SIPA1L3: variants seen among roughly 807,000 people sequenced by gnomAD.
SIPA1L3 encodes signal induced proliferation associated 1 like 3, also known as signal-induced proliferation-associated 1-like protein 3.
A neutral mutation model predicts 150.1 loss-of-function variants in SIPA1L3; 59 were observed. The observed-to-expected ratio is 0.39, with a 90% CI of 0.32 to 0.49. SIPA1L3 has a LOEUF of 0.49. Ranked by LOEUF, SIPA1L3 falls within the 20% of genes least tolerant of loss-of-function variation. The probability of loss-of-function intolerance (pLI) is 0.86; values close to 1 mark genes in which losing one functional copy is unlikely to be tolerated. For synonymous variants in SIPA1L3, 1,070 were observed against 1,077.6 expected, an observed-to-expected ratio of 0.99 and a Z score of 0.14; for missense variants, 2,211 against 2,489.5, an observed-to-expected ratio of 0.89 and a Z score of 2.38.
At chr19:38,198,138 C>T (rs765733383) in intron 18 of SIPA1L3, among the ~76,000 whole-genome samples, 7 of 152,222 alleles carry the variant, frequency 4.6e-5, no homozygotes, top group Non-Finnish European at 1.5e-5. Context: ...ATGTTCCTCC[C>T]CCAGGTAATC....
At chr19:38,154,969 A>G (rs1971911642) in intron 13 of SIPA1L3, among the ~76,000 whole-genome samples, 1 of 151,572 alleles carries the variant, frequency 6.6e-6, no homozygotes, top group Non-Finnish European at 1.5e-5. Flanking sequence ...ACATGTTGCC[A>G]AGGCTGGTCT....
chr19:38,192,174 T>C lies in SIPA1L3; in HGVS notation c.4460T>C (p.Phe1487Ser), dbSNP rs765219645. ...KQVDTNTKNV[F>S]GQPRLRASLR... ...GTGGACACGAACACCAAAAATGTCT[T>C]TGGGCAACCGAGGTTGAGGGCATCC... Residue 1487 changes from phenylalanine to serine, a missense_variant, in exon 17 of 22, where the codon TTT becomes TCT. Phe to Ser is a radical substitution (Grantham distance 155). Transcript: ENST00000222345. 3.7e-6 allele frequency: 6 copies of C among 1,610,548 alleles called. No individual in the cohort carries two copies. The highest frequency in any genetic ancestry group is 3.4e-6 in the Non-Finnish European group (4 of 1,178,764).
intron 2 of SIPA1L3, among the ~76,000 whole-genome samples, chr19:38,043,087 C>A (rs1223814658): frequency 1.3e-5 from 2 of 152,212 alleles, no homozygotes; most frequent in Non-Finnish European, 2.9e-5. Flanking sequence ...CACCTGTAAT[C>A]CCAGCAGTTT....
chr19:38,061,353 C>T (rs564754769), intron 2 of SIPA1L3, among the ~76,000 whole-genome samples: 4 of 152,114 alleles, frequency 2.6e-5, no homozygotes, highest in Non-Finnish European at 4.4e-5. Flanking sequence ...TGTGAGCCAC[C>T]GTGCCCAGCC....
At chr19:37,927,837 G>T (rs1343835588) in intron 1 of SIPA1L3, among the ~76,000 whole-genome samples, 1 of 152,004 alleles carries the variant, frequency 6.6e-6, no homozygotes, top group African/African-American at 2.4e-5. Flanking sequence ...TAGGATAATG[G>T]CCTCCAGCTA....
intron 2 of SIPA1L3, among the ~76,000 whole-genome samples, chr19:38,057,323 TACAC>T (rs764029498): frequency 6.0e-5 from 9 of 149,724 alleles, no homozygotes; most frequent in African/African-American, 1.5e-4. Context: ...TATACATATA[TACAC>T]ACACACACAC....
intron 2 of SIPA1L3, among the ~76,000 whole-genome samples, chr19:38,074,156 C>T (rs1043714599): frequency 1.3e-5 from 2 of 152,158 alleles, no homozygotes; most frequent in Admixed American, 6.5e-5. Context: ...AGTGTGCACC[C>T]TCTGAGTCCC....
intron 9 of SIPA1L3, among the ~76,000 whole-genome samples, chr19:38,125,145 C>T (rs1198463718): frequency 1.3e-5 from 2 of 152,186 alleles, no homozygotes; most frequent in African/African-American, 2.4e-5. Flanking sequence ...AAGCATTTCT[C>T]CTGTCTCAGC....
intron 13 of SIPA1L3, among the ~76,000 whole-genome samples, chr19:38,161,661 AG>A (rs1284870406): frequency 3.9e-5 from 6 of 152,100 alleles, no homozygotes; most frequent in Non-Finnish European, 8.8e-5. Flanking sequence ...TGGGCAGTGG[AG>A]GGTGCAGTGA....
intron 9 of SIPA1L3, among the ~76,000 whole-genome samples, chr19:38,122,387 ACT>A (rs1428523130): frequency 6.6e-6 from 1 of 151,820 alleles, no homozygotes; most frequent in Non-Finnish European, 1.5e-5. Flanking sequence ...CCTGGGCTCC[ACT>A]CTCTCTCATG....
At chr19:38,154,243 C>G (rs997311961) in intron 13 of SIPA1L3, among the ~76,000 whole-genome samples, 1 of 152,130 alleles carries the variant, frequency 6.6e-6, no homozygotes, top group South Asian at 2.1e-4. Context: ...GTGGTATCCC[C>G]CGTTGTATGA....
intron 3 of SIPA1L3, among the ~76,000 whole-genome samples, chr19:38,084,245 CA>C (rs1222984028): frequency 3.9e-5 from 6 of 152,014 alleles, no homozygotes. Context: ...AGGGTAAGGA[CA>C]AAAAGGCAGA....
chr19:38,206,267 T>C lies in SIPA1L3; in HGVS notation c.*27T>C. ...GTGGGAGGCCGCCGCCCGCCTTCGC[T>C]CCTTCCCCTCAGGCCGTGGCCCTGC... On this transcript the variant is annotated 3_prime_UTR_variant, in exon 22 of 22. Transcript: ENST00000222345. 6.6e-7 allele frequency: 1 copy of C among 1,520,996 alleles called. No homozygotes were observed. Among genetic ancestry groups the C allele is most frequent in the Non-Finnish European group, 8.9e-7 (1 of 1,128,436 alleles). The allele number at this position is 1,520,996 out of a possible 1,614,324, so 94.2% of individuals were successfully genotyped here.
chr19:37,973,606 A>C (rs1170975514), intron 1 of SIPA1L3, among the ~76,000 whole-genome samples: 4 of 85,068 alleles, frequency 4.7e-5, no homozygotes, highest in Non-Finnish European at 8.3e-5. Flanking sequence ...GCACTCTGAG[A>C]GTGCTGCTCG....
chr19:38,182,562 A>G lies in SIPA1L3; in HGVS notation c.4252A>G (p.Thr1418Ala). 6.2e-7 allele frequency: 1 copy of G among 1,613,942 alleles called. No homozygotes were observed. The highest frequency in any genetic ancestry group is 8.5e-7 in the Non-Finnish European group (1 of 1,179,912). ...TGGCTACCCCGCTCAGGTTTACAAA[A>G]CTGCCAGTGCAGAGACTCCTCGGCC... ...RVGYPAQVYK[T>A]ASAETPRPSQ... Residue 1418 changes from threonine (T) to alanine (A), a missense_variant, in exon 16 of 22, where the codon ACT becomes GCT. Thr to Ala is a moderately conservative substitution (Grantham distance 58). Coordinates refer to ENST00000222345, the MANE Select transcript of SIPA1L3 (RefSeq NM_015073.3).
chr19:37,933,443 T>A (rs1413376484), intron 1 of SIPA1L3, among the ~76,000 whole-genome samples: 1 of 152,174 alleles, frequency 6.6e-6, no homozygotes, highest in African/African-American at 2.4e-5. Flanking sequence ...TTACTTCCAC[T>A]TGACATATTT....
At chr19:37,971,497 T>C (rs1418446408) in intron 1 of SIPA1L3, among the ~76,000 whole-genome samples, 2 of 152,158 alleles carry the variant, frequency 1.3e-5, no homozygotes, top group Non-Finnish European at 2.9e-5. Flanking sequence ...GGACATTTCA[T>C]GTAATTGGAA....
intron 13 of SIPA1L3, among the ~76,000 whole-genome samples, chr19:38,157,649 TG>T (rs779537930): frequency 3.5e-4 from 53 of 152,156 alleles, no homozygotes; most frequent in Non-Finnish European, 5.3e-4. Flanking sequence ...ATGTCAAGTT[TG>T]GGGTAGGAAG....
chr19:38,008,583 C>CT (rs1236278641), intron 1 of SIPA1L3, among the ~76,000 whole-genome samples: 29 of 151,814 alleles, frequency 1.9e-4, no homozygotes, highest in Admixed American at 1.8e-3. Context: ...CTTTTCCTTT[C>CT]TTTTTTTTCC....
Sources: gnomAD v4.1 joint callset for allele counts (sites outside exome capture counted in the v4.1 genomes callset) on GRCh38, gnomAD v4.1.1 for gene constraint, MANE v1.5 for transcripts, NCBI Gene and HGNC (gene_info 2026-07-23, HGNC 2026-07-21) for gene names.